The following PLEKHG1 variants were observed in gnomAD, a reference collection of about 807,000 sequenced individuals.
PLEKHG1 encodes pleckstrin homology domain-containing family G member 1.
In PLEKHG1, 44 loss-of-function variants were observed where a neutral mutation model predicts 100.8. The ratio of observed to expected loss-of-function variants is 0.44; its 90% CI spans 0.34 to 0.56. The LOEUF is 0.56. Ranked by LOEUF, PLEKHG1 falls within the 20% of genes least tolerant of loss-of-function variation. The pLI is 0.01. For missense variants in PLEKHG1, 1,545 were observed against 1,720.9 expected (o/e 0.90, Z 1.81); for synonymous variants, 640 against 662.5 (o/e 0.97, Z 0.52).
At chr6:150,764,220 C>T (rs1276837329) in intron 2 of PLEKHG1, among the ~76,000 whole-genome samples, 1 of 150,870 alleles carries the variant, frequency 6.6e-6, no homozygotes, top group South Asian at 2.1e-4. Flanking sequence ...CGGGTTCAAG[C>T]GATTCTCCTG....
chr6:150,693,294 T>G (rs1484961427), intron 3 of PLEKHG1, among the ~76,000 whole-genome samples: 4 of 151,798 alleles, frequency 2.6e-5, no homozygotes, highest in African/African-American at 9.7e-5. Context: ...TCTCAAAAAA[T>G]TAACAAACAA....
At chr6:150,618,914 A>G (rs562041422) in intron 1 of PLEKHG1, among the ~76,000 whole-genome samples, 1 of 152,226 alleles carries the variant, frequency 6.6e-6, no homozygotes, top group Admixed American at 6.5e-5. Flanking sequence ...CCCTGTCTCT[A>G]TAAAGAAAAT....
At chr6:150,685,606 T>A (rs1029804093) in intron 3 of PLEKHG1, among the ~76,000 whole-genome samples, 3 of 151,518 alleles carry the variant, frequency 2.0e-5, no homozygotes, top group Non-Finnish European at 4.4e-5. Flanking sequence ...CCATCCTGCA[T>A]TTCGACTTTC....
At chr6:150,764,063 A>G (rs1784323146) in intron 2 of PLEKHG1, among the ~76,000 whole-genome samples, 2 of 151,326 alleles carry the variant, frequency 1.3e-5, no homozygotes, top group Admixed American at 1.3e-4. Context: ...TGCTGCATGC[A>G]TCACCTAACC....
At chr6:150,665,072 G>A (rs1194997075) in intron 3 of PLEKHG1, among the ~76,000 whole-genome samples, 2 of 152,060 alleles carry the variant, frequency 1.3e-5, no homozygotes, top group African/African-American at 4.8e-5. Context: ...TTTAGTGCCC[G>A]AGTTAAATAG....
At chr6:150,616,529 G>GA (rs1347981023) in intron 1 of PLEKHG1, among the ~76,000 whole-genome samples, 1 of 152,010 alleles carries the variant, frequency 6.6e-6, no homozygotes, top group Non-Finnish European at 1.5e-5. Flanking sequence ...CTTCTCTAGA[G>GA]AAAAAAAGCC....
At chr6:150,616,492 A>T (rs1426030591) in intron 1 of PLEKHG1, among the ~76,000 whole-genome samples, 1 of 152,318 alleles carries the variant, frequency 6.6e-6, no homozygotes, top group South Asian at 2.1e-4. Flanking sequence ...GTTGGCTATT[A>T]AAGTACTTGA....
At chr6:150,701,488 G>T (rs1480887791) in intron 3 of PLEKHG1, among the ~76,000 whole-genome samples, 2 of 120,666 alleles carry the variant, frequency 1.7e-5, no homozygotes, top group Admixed American at 9.8e-5. Flanking sequence ...AAGTTCTAGG[G>T]TACATGTGCA....
At chr6:150,810,512 GAA>G (rs1161807615) in intron 10 of PLEKHG1, among the ~76,000 whole-genome samples, 2 of 65,464 alleles carry the variant, frequency 3.1e-5, no homozygotes, top group African/African-American at 6.8e-5. Context: ...AAGAAAGAAA[GAA>G]AAAGAAAGAA....
chr6:150,689,015 C>T (rs1780247203), intron 3 of PLEKHG1, among the ~76,000 whole-genome samples: 2 of 152,174 alleles, frequency 1.3e-5, no homozygotes, highest in Admixed American at 1.3e-4. Flanking sequence ...AATTCTGTAA[C>T]CATTAAGCAG....
intron 3 of PLEKHG1, among the ~76,000 whole-genome samples, chr6:150,655,896 A>G (rs968122780): frequency 6.6e-6 from 1 of 151,902 alleles, no homozygotes; most frequent in Non-Finnish European, 1.5e-5. Flanking sequence ...GAGTTGAACA[A>G]TGAGAACACA....
At chr6:150,809,006 C>A in intron 7 of PLEKHG1, 99 bp from the exon 9 acceptor site, 1 of 957,138 alleles carries the variant, frequency 1.0e-6, no homozygotes, top group Admixed American at 2.3e-5. Context: ...CCCTCAGGGA[C>A]GATTTGGCAC....
chr6:150,619,927 G>A (rs544926104), intron 1 of PLEKHG1, among the ~76,000 whole-genome samples: 2 of 152,174 alleles, frequency 1.3e-5, no homozygotes, highest in Admixed American at 6.5e-5. Flanking sequence ...TATAGTTTGA[G>A]GGCATAAATT....
intron 2 of PLEKHG1, among the ~76,000 whole-genome samples, chr6:150,739,982 T>A (rs1782765750): frequency 6.6e-6 from 1 of 152,244 alleles, no homozygotes; most frequent in Non-Finnish European, 1.5e-5. Flanking sequence ...AAGAGGCTTC[T>A]CTTTGTACTG....
chr6:150,763,044 T>TTTTTTTTTTTA (rs1784261257), intron 2 of PLEKHG1, among the ~76,000 whole-genome samples: 2 of 146,238 alleles, frequency 1.4e-5, no homozygotes, highest in African/African-American at 2.5e-5. Flanking sequence ...TTTTTTTTTT[T>TTTTTTTTTTTA]GAGACGGAGT....
chr6:150,698,315 A>G (rs570218159), intron 3 of PLEKHG1, among the ~76,000 whole-genome samples: 1 of 152,272 alleles, frequency 6.6e-6, no homozygotes, highest in Non-Finnish European at 1.5e-5. Context: ...AAAATTATGG[A>G]TTTTGGAGCA....
upstream of PLEKHG1, among the ~76,000 whole-genome samples, chr6:150,719,755 A>G (rs1035816206): frequency 6.6e-6 from 1 of 152,286 alleles, no homozygotes. Context: ...AGAATAGAGG[A>G]TGAAGAGTCT....
At position 150,831,891 on chromosome 6, in the gene PLEKHG1, C is replaced by T. The variant is rs766286586; in HGVS notation, c.2780C>T (p.Ser927Phe). Residue 927 changes from serine to phenylalanine, a missense_variant, in exon 15 of 16, where the codon TCC becomes TTC. Physicochemically the swap from Ser to Phe is radical, Grantham distance 155. Coordinates refer to ENST00000358517, the Ensembl canonical transcript of PLEKHG1. This position sits in a 1 kb window ranked among gnomAD's most constrained non-coding sequence, Gnocchi z 4.1. ...GAAGACCTGATTTCTAAAGAAGGCT[C>T]CTTTATGAGCCTTAACCGGCTTTCT... is the stretch of plus-strand genomic sequence containing the variant. The T allele has an allele frequency of 1.2e-6, 2 of 1,614,044 alleles. No individual in the cohort carries two copies. Among genetic ancestry groups the T allele is most frequent in the South Asian group, 1.1e-5 (1 of 91,074 alleles).
At chr6:150,756,444 A>C (rs1002386832) in intron 2 of PLEKHG1, among the ~76,000 whole-genome samples, 1 of 152,244 alleles carries the variant, frequency 6.6e-6, no homozygotes, top group Non-Finnish European at 1.5e-5. Flanking sequence ...GGAATAACTT[A>C]GCCATGAGTT....
Sources: allele counts gnomAD v4.1 joint callset (sites outside exome capture counted in the v4.1 genomes callset), GRCh38; gene constraint gnomAD v4.1.1; non-coding constraint Gnocchi (gnomAD v3.1); transcripts MANE v1.5; gene names NCBI Gene and HGNC (gene_info 2026-07-23, HGNC 2026-07-21).